Variants in MRPL43 observed in about 807,000 individuals in gnomAD.
The protein encoded by MRPL43 is mitochondrial ribosomal protein L43.
MRPL43 carries 9 observed loss-of-function variants against 12.7 expected under a neutral mutation model. The observed-to-expected ratio is 0.71, with a 90% confidence interval of 0.43 to 1.24. MRPL43 has a LOEUF of 1.24. MRPL43 is among the 50% of genes most tolerant of loss of function. The probability of loss-of-function intolerance (pLI) is 0.00; values close to 1 mark genes in which losing one functional copy is unlikely to be tolerated. For missense variants in MRPL43, 211 were observed against 229.2 expected (o/e 0.92, Z 0.51); for synonymous variants, 116 against 96.4 (o/e 1.20, Z -1.19).
At chr10:100,984,504 G>A (rs1301023166), downstream of MRPL43, 1 of 1,535,742 alleles carries the variant, frequency 6.5e-7, no homozygotes, top group East Asian at 2.4e-5. Flanking sequence ...GGCTCTGCAG[G>A]TCCATATGGG....
downstream of MRPL43, chr10:100,983,637 C>T: frequency 1.2e-6 from 2 of 1,613,946 alleles, no homozygotes; most frequent in South Asian, 1.1e-5. Flanking sequence ...TGATGTGAGA[C>T]TGCTCTATGT....
At chr10:100,979,134 G>A (rs149549143), downstream of MRPL43, 947 of 1,614,190 alleles carry the variant, frequency 5.9e-4, 1 homozygote, top group Middle Eastern at 1.2e-3. Context: ...TCCTGCAGAA[G>A]AAGTGGACTT....
At chr10:100,984,221 A>G, downstream of MRPL43, 1 of 1,495,290 alleles carries the variant, frequency 6.7e-7, no homozygotes, top group Non-Finnish European at 8.9e-7. Flanking sequence ...CCCTCCCTTC[A>G]TTACCCCCAC....
chr10:100,981,394 T>G (rs1202584014), downstream of MRPL43: 10 of 1,612,772 alleles, frequency 6.2e-6, no homozygotes, highest in Non-Finnish European at 8.5e-6. Context: ...CAACAAACAT[T>G]TACTGCCCAA....
At chr10:100,980,814 G>A, downstream of MRPL43, 2 of 1,563,156 alleles carry the variant, frequency 1.3e-6, no homozygotes, top group Non-Finnish European at 1.7e-6. Flanking sequence ...GTCCTATCTG[G>A]CTCCCAGCAC....
chr10:100,977,930 AT>A (rs1296435281), downstream of MRPL43: 8 of 589,568 alleles, frequency 1.4e-5, no homozygotes, highest in Non-Finnish European at 2.4e-5. Context: ...TTTTTATAGC[AT>A]TTTCACTTAG....
chr10:100,986,613 C>A lies in MRPL43; in HGVS notation c.*121G>T, dbSNP rs749148551. 1 of 1,612,728 alleles carries A rather than the reference C, an allele frequency of 6.2e-7. No homozygotes were observed. The highest frequency in any genetic ancestry group is 1.1e-5 in the South Asian group (1 of 90,944). On this transcript the variant is annotated 3_prime_UTR_variant, in exon 3 of 3. Transcript: ENST00000318364. ...CAGCTCTTCATTATCCCAAGCAGAA[C>A]CTCTGTCAACTTGCCCATTGATGGG...
downstream of MRPL43, chr10:100,979,443 C>T (rs1222229433): frequency 1.1e-5 from 17 of 1,501,064 alleles, no homozygotes; most frequent in Middle Eastern, 4.9e-4. Context: ...AGTGCAGTGG[C>T]GCGATCTCGG....
chr10:100,983,979 C>A, downstream of MRPL43: 1 of 1,610,752 alleles, frequency 6.2e-7, no homozygotes, highest in East Asian at 2.2e-5. Flanking sequence ...CAGCCGGCTG[C>A]GGAGGATGAA....
At chr10:100,983,903 A>AC, downstream of MRPL43, 1 of 117,638 alleles carries the variant, frequency 8.5e-6, no homozygotes, top group Non-Finnish European at 1.3e-5. Context: ...AGGGAGCCCC[A>AC]GCCCCACCAC....
chr10:100,978,445 C>T, downstream of MRPL43: 1 of 1,596,922 alleles, frequency 6.3e-7, no homozygotes, highest in Non-Finnish European at 8.6e-7. Flanking sequence ...TGGATCTCAT[C>T]TCTAGGACCT....
chr10:100,979,362 G>A, downstream of MRPL43: 8 of 1,606,452 alleles, frequency 5.0e-6, no homozygotes, highest in Non-Finnish European at 6.8e-6. Context: ...ATCCACTGTG[G>A]GGAGGTCTGG....
At chr10:100,983,425 G>A (rs763219828), downstream of MRPL43, 4 of 1,613,572 alleles carry the variant, frequency 2.5e-6, no homozygotes, top group South Asian at 3.3e-5. Flanking sequence ...ATGGGCCTGA[G>A]CGATGGGCAG....
downstream of MRPL43, chr10:100,981,568 A>G (rs577259275): frequency 3.1e-6 from 5 of 1,613,146 alleles, no homozygotes; most frequent in African/African-American, 6.7e-5. Flanking sequence ...AAAGTTAATC[A>G]TCACAGCTAA....
chr10:100,978,937 GC>G (rs781528969), downstream of MRPL43: 54 of 1,614,186 alleles, frequency 3.3e-5, no homozygotes, highest in Non-Finnish European at 4.4e-5. Flanking sequence ...TCTTCACGGA[GC>G]GTGCCACTGA....
chr10:100,986,408 C>T lies in MRPL43; in HGVS notation c.*326G>A, dbSNP rs780196991. The stretch of plus-strand genomic sequence containing the variant: ...TAAGACATCAGGGATTCTTCAGAAG[C>T]CAGCCTTCAGACCTCTCACTGTGTT... On this transcript the variant is annotated 3_prime_UTR_variant, in exon 3 of 3. Transcript: ENST00000318364. 31 of 1,480,944 alleles carry T rather than the reference C, an allele frequency of 2.1e-5. No homozygotes were observed. Among genetic ancestry groups the T allele is most frequent in the Non-Finnish European group, 2.8e-5 (31 of 1,118,892 alleles). 91.7% of individuals were successfully genotyped at this position (1,480,944 alleles called of 1,614,324 possible).
chr10:100,984,451 G>T, downstream of MRPL43: 2 of 1,514,992 alleles, frequency 1.3e-6, no homozygotes, highest in South Asian at 1.2e-5. Flanking sequence ...CCATCCTCCT[G>T]TTCCATTCAT....
chr10:100,978,144 G>A (rs1850882055), downstream of MRPL43: 1 of 617,800 alleles, frequency 1.6e-6, no homozygotes. Flanking sequence ...GTCATTCTCA[G>A]GGGATGCTTA....
chr10:100,986,943 A>T lies in MRPL43; in HGVS notation c.271T>A (p.Cys91Ser). 6.2e-7 allele frequency: 1 copy of T among 1,608,480 alleles called. No homozygotes were observed. The change falls in exon 3 of 3, where the codon TGC (cysteine) becomes AGC (serine). Residue 91 changes from cysteine (C) to serine (S), a missense_variant. Transcript: ENST00000318364. ...NGAVREESIH[C>S]KSVEEISTLV... The stretch of plus-strand genomic sequence containing the variant: ...GTCGAGATCTCCTCGACCGACTTGC[A>T]GTGGATGCTCTCCTCGCGCACAGCC...
Sources: allele counts gnomAD v4.1 joint callset, GRCh38; gene constraint gnomAD v4.1.1; transcripts MANE v1.5; gene names NCBI Gene and HGNC (gene_info 2026-07-23, HGNC 2026-07-21).